Variants in MARCHF4 observed in about 807,000 individuals in gnomAD.
The protein encoded by MARCHF4 is membrane associated ring-CH-type finger 4.
Under a neutral mutation model 43.9 loss-of-function variants are expected in MARCHF4, and 14 were observed. The observed-to-expected ratio is 0.32, with a 90% CI of 0.21 to 0.50. The LOEUF (loss-of-function observed/expected upper bound fraction) is 0.50. Ranked by LOEUF, MARCHF4 falls within the 20% of genes least tolerant of loss-of-function variation. MARCHF4 has a pLI of 0.98. For synonymous variants in MARCHF4, 226 were observed against 213.3 expected (o/e 1.06, Z -0.52); for missense variants, 468 against 536.7 (o/e 0.87, Z 1.27).
intron 1 of MARCHF4, among the ~76,000 whole-genome samples, chr2:216,356,587 G>C (rs1331655054): frequency 3.3e-5 from 5 of 152,126 alleles, no homozygotes; most frequent in Non-Finnish European, 5.9e-5. Context: ...TTCTAATACA[G>C]GTTTTTCTAA....
At chr2:216,277,592 A>C in intron 3 of MARCHF4, 80 bp downstream of exon 3, 1 of 1,419,730 alleles carries the variant, frequency 7.0e-7, no homozygotes, top group Non-Finnish European at 9.5e-7. Flanking sequence ...AGCCTCCCAC[A>C]GTGGGGGATC....
intron 3 of MARCHF4, among the ~76,000 whole-genome samples, chr2:216,273,125 C>A (rs535847759): frequency 6.6e-6 from 1 of 152,342 alleles, no homozygotes; most frequent in South Asian, 2.1e-4. Context: ...TGCAGAGCTG[C>A]AGTTGGCTTT....
intron 1 of MARCHF4, among the ~76,000 whole-genome samples, chr2:216,357,109 A>G (rs1692514570): frequency 6.6e-6 from 1 of 152,214 alleles, no homozygotes; most frequent in African/African-American, 2.4e-5. Context: ...TCATGTAACC[A>G]TAGTACAATG....
chr2:216,321,095 C>T (rs757019671), intron 1 of MARCHF4, among the ~76,000 whole-genome samples: 20 of 151,948 alleles, frequency 1.3e-4, no homozygotes, highest in Admixed American at 1.1e-3. Context: ...AACTTTGGAG[C>T]GAGACAAGAA....
At chr2:216,320,646 TCTTTCTTTCTTTCTTTCTTTCTTTCTTTC>T (rs1403437738) in intron 1 of MARCHF4, among the ~76,000 whole-genome samples, 3 of 119,628 alleles carry the variant, frequency 2.5e-5, no homozygotes, top group African/African-American at 1.2e-4. Flanking sequence ...TTTCTTTCTT[TCTTTCTTTCTTTCTTTCTTTCTTTCTTTC>T]TTTTTTTTTT....
chr2:216,324,752 A>C (rs200990568), intron 1 of MARCHF4, among the ~76,000 whole-genome samples: 130 of 119,756 alleles, frequency 1.1e-3, no homozygotes, highest in African/African-American at 1.5e-3. Flanking sequence ...AAGGCCTTTG[A>C]CAAAATTCAA....
rs79427866 is a variant in MARCHF4, at chr2:216,264,135, C to T, written c.866-4456G>A. 5.8e-3 allele frequency among the ~76,000 whole-genome samples: 881 copies of T among 152,248 alleles called. 7 individuals carry two copies. The highest frequency in any genetic ancestry group is 0.02 in the African/African-American group (811 of 41,544). On this transcript the variant is annotated intron_variant, in intron 3 of 3. Transcript: ENST00000273067. ...CCACCCACAAGGCCACTTTCTCCTC[C>T]GGTGTTCAAACTGTGTCTGAAATCA...
At chr2:216,298,238 C>T (rs1691428581) in intron 1 of MARCHF4, among the ~76,000 whole-genome samples, 1 of 136,232 alleles carries the variant, frequency 7.3e-6, no homozygotes, top group Non-Finnish European at 1.6e-5. Flanking sequence ...TTCCAGACTA[C>T]TTTTACCAGT....
At chr2:216,350,891 G>A (rs948909065) in intron 1 of MARCHF4, among the ~76,000 whole-genome samples, 1 of 152,102 alleles carries the variant, frequency 6.6e-6, no homozygotes, top group African/African-American at 2.4e-5. Context: ...CACATCACAG[G>A]TACTTGAAAA....
In MARCHF4 at chr2:216,283,556, G is replaced by A; in HGVS notation, c.672+18C>T. ...AGCCCCAGGCCCAGCAACCCCACCA[G>A]GCAGCCCTGGGTTGTACCTGCAGAG... On this transcript the variant is annotated intron_variant, in intron 2 of 3. Transcript: ENST00000273067. 1 of 1,572,964 alleles carries A rather than the reference G, an allele frequency of 6.4e-7. No individual in the cohort carries two copies. Among genetic ancestry groups the A allele is most frequent in the Non-Finnish European group, 8.7e-7 (1 of 1,149,414 alleles).
chr2:216,296,503 CCTT>C (rs1553516643), intron 1 of MARCHF4, among the ~76,000 whole-genome samples: 1 of 152,222 alleles, frequency 6.6e-6, no homozygotes, highest in Non-Finnish European at 1.5e-5. Context: ...CATCTCCTCT[CCTT>C]ACTTCCTGGC....
intron 1 of MARCHF4, among the ~76,000 whole-genome samples, chr2:216,360,630 A>T (rs1692561494): frequency 6.6e-6 from 1 of 152,216 alleles, no homozygotes; most frequent in Non-Finnish European, 1.5e-5. Flanking sequence ...GGTGGGGCAC[A>T]GTGGGTTTTT....
At position 216,271,070 on chromosome 2, in the gene MARCHF4, T is replaced by C. The variant is rs116548637; in HGVS notation, c.865+6602A>G. On this transcript the variant is annotated intron_variant, in intron 3 of 3. Transcript: ENST00000273067. ...TCAATTTAAAATGCAAATCTGATCA[T>C]ATTTCCCCATTCGAAATTTTATCAA... is the stretch of plus-strand genomic sequence containing the variant. 7.4e-3 allele frequency among the ~76,000 whole-genome samples: 1,126 copies of C among 152,338 alleles called. 5 individuals carry two copies. Among genetic ancestry groups the C allele is most frequent in the Non-Finnish European group, 0.012 (783 of 68,038 alleles).
In MARCHF4 at chr2:216,259,277, G is replaced by A; in HGVS notation, c.*35C>T. 2 of 1,512,698 alleles carry A rather than the reference G, an allele frequency of 1.3e-6. No homozygotes were observed. The highest frequency in any genetic ancestry group is 2.7e-5 in the South Asian group (2 of 74,326). 93.7% of individuals were successfully genotyped at this position (1,512,698 alleles called of 1,614,324 possible). A position where few individuals can be genotyped will look rare whatever the true frequency, so the allele number is the denominator to read the frequency against. On this transcript the variant is annotated 3_prime_UTR_variant, in exon 4 of 4. Coordinates refer to ENST00000273067, the MANE Select transcript of MARCHF4 (RefSeq NM_020814.3). ...CTCCCCACCCTGCTCCGGGCCCTCA[G>A]TGGTGGTCATGGCCTTCCTTCCGGG...
At chr2:216,309,433 T>G (rs1379550280) in intron 1 of MARCHF4, among the ~76,000 whole-genome samples, 1 of 152,212 alleles carries the variant, frequency 6.6e-6, no homozygotes, top group African/African-American at 2.4e-5. Flanking sequence ...TTTCCTTTGC[T>G]TATCCTGTTC....
At chr2:216,308,960 C>T (rs976430092) in intron 1 of MARCHF4, among the ~76,000 whole-genome samples, 7 of 152,012 alleles carry the variant, frequency 4.6e-5, no homozygotes, top group Admixed American at 2.0e-4. Context: ...TCCTTGTGAA[C>T]GGCAGAAGCA....
Position 216,353,002 on chromosome 2 carries a change from A to G in MARCHF4, c.516+16743T>C, listed in dbSNP as rs549528190. Among the ~76,000 whole-genome samples, 158 of 152,330 alleles carry G rather than the reference A, an allele frequency of 1.0e-3. 1 individual carries two copies. Among genetic ancestry groups the G allele is most frequent in the Middle Eastern group, 3.4e-3 (1 of 294 alleles). Reference sequence around the variant, plus strand: ...AGATTTTATTCCCCTTGTGTGGGAGAAAGATAAAACAAGTTGATATCACAG... The same window carrying G: ...AGATTTTATTCCCCTTGTGTGGGAGGAAGATAAAACAAGTTGATATCACAG... On this transcript the variant is annotated intron_variant, in intron 1 of 3. Coordinates refer to ENST00000273067, the MANE Select transcript of MARCHF4 (RefSeq NM_020814.3).
At chr2:216,357,926 T>C (rs557050026) in intron 1 of MARCHF4, among the ~76,000 whole-genome samples, 1 of 152,376 alleles carries the variant, frequency 6.6e-6, no homozygotes, top group Non-Finnish European at 1.5e-5. Context: ...GATGATATTA[T>C]GGCAGCTCCT....
At chr2:216,303,973 C>T (rs1041515215) in intron 1 of MARCHF4, among the ~76,000 whole-genome samples, 1 of 152,090 alleles carries the variant, frequency 6.6e-6, no homozygotes, top group African/African-American at 2.4e-5. Context: ...ATGGCACCAA[C>T]AGCTACTGGA....
Sources: allele counts gnomAD v4.1 joint callset (sites outside exome capture counted in the v4.1 genomes callset), GRCh38; gene constraint gnomAD v4.1.1; transcripts MANE v1.5; gene names NCBI Gene and HGNC (gene_info 2026-07-23, HGNC 2026-07-21).